SRGAP2C: variants seen among roughly 807,000 people sequenced by gnomAD.
The protein encoded by SRGAP2C is SLIT-ROBO Rho GTPase-activating protein 2C.
A neutral mutation model predicts 25.1 loss-of-function variants in SRGAP2C; 15 were observed. The observed-to-expected ratio is 0.60, with a 90% CI of 0.40 to 0.92. The LOEUF is 0.92. Ranked by LOEUF, SRGAP2C falls within the 40% of genes least tolerant of loss-of-function variation. The pLI, the probability that SRGAP2C is intolerant of heterozygous loss-of-function variation, is 0.00. For synonymous variants in SRGAP2C, 44 were observed against 96.6 expected (o/e 0.46, Z 3.19); for missense variants, 144 against 264.4 (o/e 0.54, Z 3.16).
chr1:121,282,922 T>TG (rs1657282675), intron 2 of SRGAP2C, among the ~76,000 whole-genome samples: 13 of 150,336 alleles, frequency 8.6e-5, no homozygotes. Context: ...GCCCTCTCAA[T>TG]GTACAGTCTG....
chr1:121,350,873 T>C (rs1464496972), intron 4 of SRGAP2C, among the ~76,000 whole-genome samples: 2 of 148,722 alleles, frequency 1.3e-5, no homozygotes, highest in African/African-American at 2.5e-5. Context: ...TTTCAGAATA[T>C]ATAAAGAATT....
chr1:121,355,080 C>T (rs1659030746), intron 4 of SRGAP2C, among the ~76,000 whole-genome samples: 1 of 97,452 alleles, frequency 1.0e-5, no homozygotes, highest in African/African-American at 3.7e-5. Context: ...ACTAAGTTTC[C>T]AGGAAGAAAT....
intron 2 of SRGAP2C, among the ~76,000 whole-genome samples, chr1:121,217,608 A>G (rs1553324940): frequency 1.3e-5 from 2 of 151,964 alleles, no homozygotes; most frequent in Non-Finnish European, 2.9e-5. Context: ...GGTGACTCAA[A>G]TTCCACTGAA....
intron 4 of SRGAP2C, among the ~76,000 whole-genome samples, chr1:121,359,831 G>A (rs1659147594): frequency 6.6e-6 from 1 of 152,216 alleles, no homozygotes; most frequent in African/African-American, 2.4e-5. Context: ...ATATCATAGT[G>A]GACAGCACAT....
rs1413861153 is a variant in SRGAP2C at position 121,280,751 on chromosome 1, GA to G, written c.68-4050del. ...TGACTTCTTTCCATGTATTTCTAGG[GA>G]AGGAACTGGCAAGGACCCCACCATC... On this transcript the variant is annotated intron_variant, in intron 2 of 9. Transcript: ENST00000367123. 1.5e-5 allele frequency among the ~76,000 whole-genome samples: 2 copies of G among 134,608 alleles called. 1 individual carries two copies. The highest frequency in any genetic ancestry group is 3.2e-5 in the Non-Finnish European group (2 of 62,906). The allele number at this position is 134,608 out of a possible 152,430, so 88.3% of individuals were successfully genotyped here.
chr1:121,285,076 A>T lies in SRGAP2C; in HGVS notation c.260+81A>T, dbSNP rs1657329241. ...GAGGGGGGCAGGGTATGCCACTTAG[A>T]TCCAGCTGAATTCAGGAGCCCCTGG... On this transcript the variant is annotated intron_variant, in intron 3 of 9. Coordinates refer to ENST00000367123, the MANE Select transcript of SRGAP2C (RefSeq NM_001329984.2). 1.5e-5 allele frequency: 8 copies of T among 534,902 alleles called. 1 individual carries two copies. The highest frequency in any genetic ancestry group is 2.5e-5 in the Non-Finnish European group (8 of 320,602). 33.1% of individuals were successfully genotyped at this position (534,902 alleles called of 1,614,324 possible). A position where few individuals can be genotyped will look rare whatever the true frequency, so the allele number is the denominator to read the frequency against.
At chr1:121,272,359 G>T (rs1656986768) in intron 2 of SRGAP2C, among the ~76,000 whole-genome samples, 1 of 150,200 alleles carries the variant, frequency 6.7e-6, no homozygotes, top group Non-Finnish European at 1.5e-5. Flanking sequence ...ATAGCTAGTA[G>T]GTGGTGGAGC....
intron 2 of SRGAP2C, among the ~76,000 whole-genome samples, chr1:121,236,621 C>A (rs1205719701): frequency 2.0e-5 from 3 of 152,128 alleles, no homozygotes; most frequent in Non-Finnish European, 4.4e-5. Flanking sequence ...ATGATTTACT[C>A]TGCTGCTTCC....
chr1:121,340,800 T>C (rs1658636233), intron 4 of SRGAP2C, among the ~76,000 whole-genome samples: 1 of 149,410 alleles, frequency 6.7e-6, no homozygotes, highest in African/African-American at 2.5e-5. Flanking sequence ...ATTTCCATAT[T>C]ATCTGATTCC....
Position 121,238,769 on chromosome 1 carries a change from A to G in SRGAP2C, c.68-46034A>G, listed in dbSNP as rs1212159474. Among the ~76,000 whole-genome samples the G allele has an allele frequency of 2.1e-5, 3 of 146,018 alleles. No homozygotes were observed. The East Asian group carries it at 6.0e-4, about 29-fold the overall frequency. On this transcript the variant is annotated intron_variant, in intron 2 of 9. Coordinates refer to ENST00000367123, the MANE Select transcript of SRGAP2C (RefSeq NM_001329984.2). ...GCAGGGACTACAATTGTGCACCACT[A>G]CACACTGCTATTTTTTTTTTTTTTT...
intron 2 of SRGAP2C, among the ~76,000 whole-genome samples, chr1:121,275,646 T>C (rs1441956167): frequency 6.6e-6 from 1 of 151,072 alleles, no homozygotes; most frequent in African/African-American, 2.4e-5. Flanking sequence ...CACGATGATA[T>C]TGAAATATCC....
intron 4 of SRGAP2C, chr1:121,361,800 G>A (rs1659199087): frequency 6.8e-6 from 1 of 146,242 alleles, no homozygotes; most frequent in African/African-American, 2.6e-5. Context: ...AGATTACTAT[G>A]CAAACATTTA....
intron 4 of SRGAP2C, among the ~76,000 whole-genome samples, chr1:121,356,973 G>T (rs587750068): frequency 1.4e-4 from 21 of 151,922 alleles, no homozygotes; most frequent in Middle Eastern, 3.4e-3. Context: ...GCCTCTTCCT[G>T]ACCCCACCCT....
chr1:121,264,934 C>T (rs587610414), intron 2 of SRGAP2C, among the ~76,000 whole-genome samples: 245 of 119,956 alleles, frequency 2.0e-3, no homozygotes, highest in African/African-American at 7.6e-3. Flanking sequence ...TGGTGGCTCA[C>T]GCCCATAATC....
intron 4 of SRGAP2C, among the ~76,000 whole-genome samples, chr1:121,347,904 A>G (rs1658791739): frequency 6.8e-6 from 1 of 147,138 alleles, no homozygotes; most frequent in East Asian, 2.1e-4. Context: ...AAAGGCAGGA[A>G]TGCAGGAAGG....
chr1:121,361,781 T>C (rs1553348612), intron 4 of SRGAP2C: 1 of 150,754 alleles, frequency 6.6e-6, no homozygotes, highest in African/African-American at 2.5e-5. Flanking sequence ...TTTTTTTTTT[T>C]CCAGGCAAAG....
intron 3 of SRGAP2C, among the ~76,000 whole-genome samples, chr1:121,285,391 G>GTCTCTC (rs1167239844): frequency 3.7e-5 from 5 of 134,154 alleles, no homozygotes; most frequent in East Asian, 2.3e-4. Context: ...CTTAATCTCT[G>GTCTCTC]TCTCTCTCTC....
chr1:121,279,895 G>T (rs1357169414), intron 2 of SRGAP2C, among the ~76,000 whole-genome samples: 1 of 145,126 alleles, frequency 6.9e-6, no homozygotes, highest in East Asian at 2.0e-4. Context: ...ATACACACGG[G>T]GAAATGGAAA....
intron 2 of SRGAP2C, among the ~76,000 whole-genome samples, chr1:121,199,727 G>A (rs1237937962): frequency 5.6e-5 from 8 of 142,262 alleles, no homozygotes; most frequent in East Asian, 2.1e-4. Flanking sequence ...CCTGGGATGC[G>A]GAGGTTGCAG....
Sources: allele counts gnomAD v4.1 joint callset (sites outside exome capture counted in the v4.1 genomes callset), GRCh38; gene constraint gnomAD v4.1.1; transcripts MANE v1.5; gene names NCBI Gene and HGNC (gene_info 2026-07-23, HGNC 2026-07-21).